Variants in BMP5 observed in about 807,000 individuals in gnomAD.
BMP5 encodes bone morphogenetic protein 5.
A neutral mutation model predicts 46.6 loss-of-function variants in BMP5; 23 were observed. That is an observed-to-expected ratio of 0.49 (90% CI 0.35 to 0.70). The LOEUF is 0.70. BMP5 is among the 30% of genes least tolerant of loss of function. The probability of loss-of-function intolerance (pLI) is 0.00; values close to 1 mark genes in which losing one functional copy is unlikely to be tolerated. For missense variants in BMP5, 545 were observed against 565.6 expected, an observed-to-expected ratio of 0.96 and a Z score of 0.37; for synonymous variants, 204 against 191.9, an observed-to-expected ratio of 1.06 and a Z score of -0.52.
intron 1 of BMP5, among the ~76,000 whole-genome samples, chr6:55,829,794 C>T (rs1018778308): frequency 9.2e-5 from 14 of 151,856 alleles, no homozygotes; most frequent in Non-Finnish European, 1.8e-4. Flanking sequence ...TTGTGAAACA[C>T]CATATGTGAT....
Position 55,754,339 on chromosome 6 carries a change from C to G in BMP5, c.*1194G>C, listed in dbSNP as rs1333745156. 52 of 151,840 alleles carry G rather than the reference C, an allele frequency of 3.4e-4. No homozygotes were observed. Among genetic ancestry groups the G allele is most frequent in the Admixed American group, 3.4e-3 (52 of 15,204 alleles). 9.4% of individuals were successfully genotyped at this position (151,840 alleles called of 1,614,324 possible). A position where few individuals can be genotyped will look rare whatever the true frequency, so the allele number is the denominator to read the frequency against. On this transcript the variant is annotated 3_prime_UTR_variant, in exon 7 of 7. Coordinates refer to ENST00000370830, the MANE Select transcript of BMP5 (RefSeq NM_021073.4). ...GCACACACAGACACACACACACACACACACACAACAGAACCTTCCTGTTTG... is the reference window on the plus strand; with the variant it reads ...GCACACACAGACACACACACACACAGACACACAACAGAACCTTCCTGTTTG...
intron 4 of BMP5, chr6:55,772,842 G>A (rs1041866917): frequency 7.2e-5 from 71 of 984,930 alleles, no homozygotes; most frequent in Middle Eastern, 1.0e-3. Context: ...GACTTCTAAC[G>A]TGATTCTCCT....
At position 55,755,496 on chromosome 6, in the gene BMP5, A is replaced by G. The variant is rs768917807; in HGVS notation, c.*37T>C. On this transcript the variant is annotated 3_prime_UTR_variant, in exon 7 of 7. Transcript: ENST00000370830. ...CTTTTTATTGCAGCCATAAACCTTA[A>G]TACAGATCTTTTTGTTATTATCAAT... 3 of 1,578,868 alleles carry G rather than the reference A, an allele frequency of 1.9e-6. No individual in the cohort carries two copies. Among genetic ancestry groups the G allele is most frequent in the Non-Finnish European group, 2.6e-6 (3 of 1,151,586 alleles).
intron 1 of BMP5, among the ~76,000 whole-genome samples, chr6:55,874,082 T>C (rs551591006): frequency 6.6e-6 from 1 of 152,176 alleles, no homozygotes; most frequent in South Asian, 2.1e-4. Flanking sequence ...TCCTCATAAA[T>C]TTCCCTGTTT....
chr6:55,759,885 T>A (rs2127515490), intron 5 of BMP5, among the ~76,000 whole-genome samples: 1 of 152,094 alleles, frequency 6.6e-6, no homozygotes, highest in East Asian at 1.9e-4. Flanking sequence ...ATACAGGAAC[T>A]CATATATGAG....
rs112092316 is a variant in BMP5, at chr6:55,801,321, C to T, written c.684-6894G>A. ...CATCTTATTGGTGTTGAGCATGCAG[C>T]TCCTTCAGATCCCACTAATTCTCCC... On this transcript the variant is annotated intron_variant, in intron 2 of 6. Coordinates refer to ENST00000370830, the MANE Select transcript of BMP5 (RefSeq NM_021073.4). Among the ~76,000 whole-genome samples the T allele has an allele frequency of 8.5e-3, 1,302 of 152,292 alleles. 18 individuals are homozygous for T. The highest frequency in any genetic ancestry group is 0.03 in the African/African-American group (1,245 of 41,546).
At chr6:55,787,956 C>T (rs1319950082) in intron 3 of BMP5, among the ~76,000 whole-genome samples, 1 of 151,526 alleles carries the variant, frequency 6.6e-6, no homozygotes, top group Non-Finnish European at 1.5e-5. Flanking sequence ...TTGGTATAAA[C>T]ATCAGCACAA....
intron 1 of BMP5, among the ~76,000 whole-genome samples, chr6:55,835,467 A>G (rs111312208): frequency 0.021 from 3,216 of 152,312 alleles, 49 homozygotes; most frequent in Middle Eastern, 0.037. Context: ...TAACTTGCAA[A>G]TCAACTCAAA....
chr6:55,856,264 T>A (rs1452380232), intron 1 of BMP5, among the ~76,000 whole-genome samples: 1 of 152,234 alleles, frequency 6.6e-6, no homozygotes, highest in African/African-American at 2.4e-5. Flanking sequence ...GGTGTGTCAC[T>A]GCTTATTCAG....
intron 2 of BMP5, among the ~76,000 whole-genome samples, chr6:55,808,639 C>G (rs1236323102): frequency 6.6e-6 from 1 of 152,178 alleles, no homozygotes; most frequent in African/African-American, 2.4e-5. Context: ...GTGGGCTGCA[C>G]AGTTCCATGG....
In BMP5 at chr6:55,875,279, C is replaced by T. The variant is rs983095475; in HGVS notation, c.-414G>A. On this transcript the variant is annotated 5_prime_UTR_variant, in exon 1 of 7. Coordinates refer to ENST00000370830, the MANE Select transcript of BMP5 (RefSeq NM_021073.4). ...TAGTTCCCAAAGTAATCTTCACTTG[C>T]TTTTGAGTTCTTCTCAACCCTTGAG... 4.3e-5 allele frequency: 9 copies of T among 210,946 alleles called. No homozygotes were observed. The highest frequency in any genetic ancestry group is 3.7e-4 in the Admixed American group (7 of 18,846). 13.1% of individuals were successfully genotyped at this position (210,946 alleles called of 1,614,324 possible).
At chr6:55,827,358 G>T (rs921536417) in intron 1 of BMP5, among the ~76,000 whole-genome samples, 10 of 151,372 alleles carry the variant, frequency 6.6e-5, no homozygotes, top group Admixed American at 3.3e-4. Flanking sequence ...TGTCATTGTG[G>T]TTTTTTTAAA....
In BMP5 at chr6:55,874,879, C is replaced by T; in HGVS notation, c.-14G>A. On this transcript the variant is annotated 5_prime_UTR_variant, in exon 1 of 7. Transcript: ENST00000370830. ...AGTCAGATGCATTTTTGTCCAAAAG[C>T]AAAAGTTGATATTTTTAGTCCTTCT... 3 of 1,608,354 alleles carry T rather than the reference C, an allele frequency of 1.9e-6. No individual in the cohort carries two copies. The South Asian group carries it at 3.3e-5, about 18-fold the overall frequency.
rs913756802 is a variant in BMP5, at chr6:55,799,688, T to A, written c.684-5261A>T. 9.8e-5 allele frequency among the ~76,000 whole-genome samples: 15 copies of A among 152,314 alleles called. No individual in the cohort carries two copies. The East Asian group carries it at 2.9e-3, about 29-fold the overall frequency. On this transcript the variant is annotated intron_variant, in intron 2 of 6. Coordinates refer to ENST00000370830, the MANE Select transcript of BMP5 (RefSeq NM_021073.4). ...TTTAGGTCAAACAACCTTTATGTTA[T>A]CATACTTCAATTGTCCTACAGCTCC...
rs533261517 is a variant in BMP5, at chr6:55,835,113, G to A, written c.491-15266C>T. On this transcript the variant is annotated intron_variant, in intron 1 of 6. Coordinates refer to ENST00000370830, the MANE Select transcript of BMP5 (RefSeq NM_021073.4). ...AAAAAAAAAAAAAATTATATGTGGAGTGAGTTTGAGAAAAATTCATTGTGA... is the reference window on the plus strand; with the variant it reads ...AAAAAAAAAAAAAATTATATGTGGAATGAGTTTGAGAAAAATTCATTGTGA... 5.3e-5 allele frequency among the ~76,000 whole-genome samples: 8 copies of A among 151,952 alleles called. No homozygotes were observed. In the East Asian group the frequency reaches 1.5e-3, roughly 29 times the overall value.
intron 6 of BMP5, among the ~76,000 whole-genome samples, chr6:55,756,221 G>A (rs1318292089): frequency 6.6e-6 from 1 of 151,898 alleles, no homozygotes. Context: ...TCCAATACTT[G>A]CCTTAGAGCA....
chr6:55,828,961 A>T (rs868717265), intron 1 of BMP5, among the ~76,000 whole-genome samples: 14 of 152,012 alleles, frequency 9.2e-5, no homozygotes, highest in Middle Eastern at 6.8e-3. Flanking sequence ...GGGTTGCATC[A>T]GTGAAGTTTG....
chr6:55,816,629 T>C (rs1776276729), intron 2 of BMP5, among the ~76,000 whole-genome samples: 1 of 152,152 alleles, frequency 6.6e-6, no homozygotes, highest in South Asian at 2.1e-4. Context: ...AATATAGGTC[T>C]TTCTGCCTTC....
intron 3 of BMP5, among the ~76,000 whole-genome samples, chr6:55,781,022 G>A (rs537028902): frequency 3.4e-4 from 52 of 152,134 alleles, no homozygotes; most frequent in African/African-American, 9.6e-4. Flanking sequence ...ATTTTCAGCC[G>A]CTAGAAATAT....
Sources: gnomAD v4.1 joint callset for allele counts (sites outside exome capture counted in the v4.1 genomes callset) on GRCh38, gnomAD v4.1.1 for gene constraint, MANE v1.5 for transcripts, NCBI Gene and HGNC (gene_info 2026-07-23, HGNC 2026-07-21) for gene names.